Variants in HOOK3 observed in about 807,000 individuals in gnomAD.
The protein encoded by HOOK3 is hook microtubule tethering protein 3, also known as protein Hook homolog 3.
A neutral mutation model predicts 116.3 loss-of-function variants in HOOK3; 24 were observed. That is an observed-to-expected ratio of 0.21 (90% CI 0.15 to 0.29). The LOEUF (loss-of-function observed/expected upper bound fraction) is 0.29, where lower values mean the gene tolerates loss of function less well. Among genes scored for constraint, HOOK3 ranks in the 10% least tolerant of loss-of-function variants. HOOK3 has a pLI of 1.00. For synonymous variants in HOOK3, 275 were observed against 283.0 expected (o/e 0.97, Z 0.28); for missense variants, 632 against 830.2 (o/e 0.76, Z 2.93).
Position 42,974,156 on chromosome 8 carries a change from G to A in HOOK3, c.1283G>A (p.Arg428His), listed in dbSNP as rs899580379. The A allele has an allele frequency of 8.7e-6, 14 of 1,613,976 alleles. No homozygotes were observed. The highest frequency in any genetic ancestry group is 1.2e-5 in the Non-Finnish European group (14 of 1,179,854). ...CTGAAGGAAACCATTGAAGAGCTTC[G>A]TTGTGTACAAGCTCAAGAAGGGCAG... is the stretch of plus-strand genomic sequence containing the variant. ...DSLKETIEEL[R>H]CVQAQEGQLT... The change falls in exon 13 of 22, where the codon CGT (arginine) becomes CAT (histidine). Residue 428 changes from arginine (R) to histidine (H), a missense_variant. Around this residue, in one of 3 missense-constraint regions of HOOK3, gnomAD observed 483 missense variants for 648.1 expected, o/e 0.75. Transcript: ENST00000307602.
chr8:42,998,757 C>T, intron 16 of HOOK3, among the ~76,000 whole-genome samples: 1 of 152,104 alleles, frequency 6.6e-6, no homozygotes, highest in East Asian at 1.9e-4. Flanking sequence ...TGTTAGATTC[C>T]CAGATTGATT....
intron 15 of HOOK3, among the ~76,000 whole-genome samples, chr8:42,990,348 TTTTTTTTTTTTTTTG>T (rs1230922341): frequency 8.6e-6 from 1 of 116,376 alleles, no homozygotes; most frequent in African/African-American, 3.7e-5. Flanking sequence ...TTTTTTTTTT[TTTTTTTTTTTTTTTG>T]AGGATCTCAC....
Position 42,996,894 on chromosome 8 carries a change from C to CTTTTTTT in HOOK3, c.1533-634_1533-628dup, listed in dbSNP as rs60094537. On this transcript the variant is annotated intron_variant, in intron 15 of 21. Transcript: ENST00000307602. ...ACTTTAATTCCGTGAGGGCAGGGAT[C>CTTTTTTT]TTTTTTTTTTTTTTTTTTTTTTTTT... Among the ~76,000 whole-genome samples the CTTTTTTT allele has an allele frequency of 6.2e-4, 48 of 77,896 alleles. 9 individuals carry two copies. Among genetic ancestry groups the CTTTTTTT allele is most frequent in the African/African-American group, 1.2e-3 (26 of 22,502 alleles). 51.1% of individuals were successfully genotyped at this position (77,896 alleles called of 152,430 possible).
chr8:43,002,142 G>T lies in HOOK3; in HGVS notation c.1655+1G>T. 3 of 1,595,804 alleles carry T rather than the reference G, an allele frequency of 1.9e-6. No individual in the cohort carries two copies. Among genetic ancestry groups the T allele is most frequent in the Non-Finnish European group, 2.6e-6 (3 of 1,163,782 alleles). On this transcript the variant is annotated splice_donor_variant, in intron 17 of 21. Coordinates refer to ENST00000307602, the MANE Select transcript of HOOK3 (RefSeq NM_032410.4). LOFTEE classifies it high-confidence loss of function. ...TAAAAAAGAAGCTTGAAGAACATCT[G>T]TAAGTATAAAAGCTGTTGAGGCTGA...
At chr8:42,936,339 A>G (rs1264070037) in intron 4 of HOOK3, among the ~76,000 whole-genome samples, 7 of 152,142 alleles carry the variant, frequency 4.6e-5, no homozygotes, top group African/African-American at 1.7e-4. Context: ...CTGCAAACAG[A>G]GACAATTTGG....
chr8:43,013,642 T>C (rs1809654502), intron 21 of HOOK3, among the ~76,000 whole-genome samples: 1 of 152,256 alleles, frequency 6.6e-6, no homozygotes, highest in African/African-American at 2.4e-5. Flanking sequence ...AATGTCAGTC[T>C]AATTTCTGTC....
intron 1 of HOOK3, among the ~76,000 whole-genome samples, chr8:42,905,923 TA>T (rs1444283202): frequency 1.3e-5 from 2 of 151,880 alleles, no homozygotes; most frequent in Non-Finnish European, 2.9e-5. Context: ...CTGTATCTAC[TA>T]AAGATACAGA....
chr8:42,919,205 A>C (rs531924813), intron 2 of HOOK3, among the ~76,000 whole-genome samples: 76 of 144,360 alleles, frequency 5.3e-4, no homozygotes, highest in African/African-American at 2.0e-3. Context: ...TGCTGGGCAG[A>C]GGGGCTCCTC....
At position 43,024,326 on chromosome 8, in the gene HOOK3, TG is replaced by T. The variant is rs1239083699; in HGVS notation, c.*5829del. 1.0e-5 allele frequency: 2 copies of T among 196,496 alleles called. No individual in the cohort carries two copies. Among genetic ancestry groups the T allele is most frequent in the African/African-American group, 4.6e-5 (2 of 43,280 alleles). The allele number at this position is 196,496 out of a possible 1,614,324, so 12.2% of individuals were successfully genotyped here. Reference sequence around the variant, plus strand: ...TTGTACTTCTCAACAGTGAAGCCTGTGTAATACCATACAGTAGGATGAAAGA... The same window carrying T: ...TTGTACTTCTCAACAGTGAAGCCTGTTAATACCATACAGTAGGATGAAAGA... On this transcript the variant is annotated 3_prime_UTR_variant, in exon 22 of 22. Coordinates refer to ENST00000307602, the MANE Select transcript of HOOK3 (RefSeq NM_032410.4).
Position 42,943,306 on chromosome 8 carries a change from C to A in HOOK3, c.268-7C>A. The A allele has an allele frequency of 1.4e-6, 2 of 1,450,788 alleles. No individual in the cohort carries two copies. The highest frequency in any genetic ancestry group is 1.8e-6 in the Non-Finnish European group (2 of 1,090,350). 89.9% of individuals were successfully genotyped at this position (1,450,788 alleles called of 1,614,324 possible). Reference sequence around the variant, plus strand: ...AATGCAATTATAATCCTTTTATCTCCATTCAGATTTTAGGACAGCAAATTA... The same window carrying A: ...AATGCAATTATAATCCTTTTATCTCAATTCAGATTTTAGGACAGCAAATTA... On this transcript the variant is annotated splice_polypyrimidine_tract_variant and splice_region_variant and intron_variant, in intron 4 of 21. Transcript: ENST00000307602.
chr8:42,996,004 C>T (rs1809257492), intron 15 of HOOK3, among the ~76,000 whole-genome samples: 1 of 152,102 alleles, frequency 6.6e-6, no homozygotes, highest in South Asian at 2.1e-4. Context: ...CCATGTTTTC[C>T]CTTCTTGCAA....
At chr8:42,987,199 T>G (rs1353417109) in intron 15 of HOOK3, among the ~76,000 whole-genome samples, 4 of 152,060 alleles carry the variant, frequency 2.6e-5, no homozygotes, top group African/African-American at 9.7e-5. Flanking sequence ...ACAACAAAGA[T>G]CTGAATTGTA....
chr8:42,970,649 C>T (rs59631629), intron 11 of HOOK3, among the ~76,000 whole-genome samples: 22 of 152,052 alleles, frequency 1.4e-4, no homozygotes, highest in African/African-American at 5.3e-4. Context: ...CACTTTATTG[C>T]TAATTTATAT....
rs972589660 is a variant in HOOK3, at chr8:43,020,700, T to G, written c.*2202T>G. The G allele has an allele frequency of 5.8e-6, 1 of 172,162 alleles. No homozygotes were observed. The highest frequency in any genetic ancestry group is 2.4e-5 in the African/African-American group (1 of 41,126). The allele number at this position is 172,162 out of a possible 1,614,324, so 10.7% of individuals were successfully genotyped here. A position where few individuals can be genotyped will look rare whatever the true frequency, so the allele number is the denominator to read the frequency against. ...CTGCATTCCAGCCTGGGCGACAGAG[T>G]GAGACTCTGTCTCAATCAGTCAATC... On this transcript the variant is annotated 3_prime_UTR_variant, in exon 22 of 22. Transcript: ENST00000307602.
chr8:42,986,891 T>C, intron 15 of HOOK3, 96 bp downstream of exon 15: 5 of 1,320,782 alleles, frequency 3.8e-6, no homozygotes, highest in Non-Finnish European at 5.3e-6. Context: ...GCATGGTGGC[T>C]CACGCCTGTA....
intron 1 of HOOK3, among the ~76,000 whole-genome samples, chr8:42,904,258 C>T (rs867573094): frequency 6.6e-6 from 1 of 150,626 alleles, no homozygotes; most frequent in Admixed American, 6.6e-5. Flanking sequence ...AATGGGTCTT[C>T]CTGTCTCTTT....
Position 43,027,480 on chromosome 8 carries a change from T to G in HOOK3, c.*8982T>G, listed in dbSNP as rs781040778. The G allele has an allele frequency of 2.2e-6, 1 of 464,762 alleles. No individual in the cohort carries two copies. The highest frequency in any genetic ancestry group is 4.2e-6 in the Non-Finnish European group (1 of 238,346). 28.8% of individuals were successfully genotyped at this position (464,762 alleles called of 1,614,324 possible). A position where few individuals can be genotyped will look rare whatever the true frequency, so the allele number is the denominator to read the frequency against. On this transcript the variant is annotated 3_prime_UTR_variant, in exon 22 of 22. Transcript: ENST00000307602. ...AACGTTTCTCTTCTACCTTACCCCC[T>G]GTTCTACTGACGTGCTTTGCATGAG...
At chr8:42,975,326 A>G (rs1230044786) in intron 13 of HOOK3, among the ~76,000 whole-genome samples, 2 of 152,096 alleles carry the variant, frequency 1.3e-5, no homozygotes, top group African/African-American at 4.8e-5. Flanking sequence ...TTGATTTTTA[A>G]AACTCCCGGC....
chr8:42,950,036 A>C (rs893358363), intron 5 of HOOK3, among the ~76,000 whole-genome samples: 1 of 152,222 alleles, frequency 6.6e-6, no homozygotes, highest in African/African-American at 2.4e-5. Flanking sequence ...AATGTGAAAG[A>C]TAATTTTTAG....
Sources: gnomAD v4.1 joint callset for allele counts (sites outside exome capture counted in the v4.1 genomes callset) on GRCh38, gnomAD v4.1.1 for gene constraint, gnomAD v4.1.1 regional missense constraint, MANE v1.5 for transcripts, NCBI Gene and HGNC (gene_info 2026-07-23, HGNC 2026-07-21) for gene names.